The following CTNNA3 variants were observed in gnomAD, a reference collection of about 807,000 sequenced individuals.
CTNNA3 encodes the protein catenin alpha-3.
CTNNA3 carries 76 observed loss-of-function variants against 95.7 expected under a neutral mutation model. That is an observed-to-expected ratio of 0.79 (90% CI 0.66 to 0.96). The LOEUF (loss-of-function observed/expected upper bound fraction) is 0.96, where lower values mean the gene tolerates loss of function less well. Among genes scored for constraint, CTNNA3 ranks in the 40% least tolerant of loss-of-function variants. The pLI, the probability that CTNNA3 is intolerant of heterozygous loss-of-function variation, is 0.00. For synonymous variants in CTNNA3, 431 were observed against 374.4 expected, an observed-to-expected ratio of 1.15 and a Z score of -1.74; for missense variants, 1,191 against 1,089.8, an observed-to-expected ratio of 1.09 and a Z score of -1.31.
At chr10:65,946,306 A>G (rs2077515566) in intron 17 of CTNNA3, among the ~76,000 whole-genome samples, 1 of 152,192 alleles carries the variant, frequency 6.6e-6, no homozygotes, top group Non-Finnish European at 1.5e-5. Flanking sequence ...TGTAAACCAA[A>G]CTGACATGCA....
intron 1 of CTNNA3, among the ~76,000 whole-genome samples, chr10:67,720,129 C>CTTGTTTTTTTTTTT: frequency 1.5e-4 from 1 of 6,614 alleles, no homozygotes; most frequent in Non-Finnish European, 3.6e-4. Context: ...GCAACCCCTG[C>CTTGTTTTTTTTTTT]TTTTTTTTTT....
At chr10:66,269,281 G>A (rs1035990213) in intron 13 of CTNNA3, among the ~76,000 whole-genome samples, 1 of 152,152 alleles carries the variant, frequency 6.6e-6, no homozygotes, top group Non-Finnish European at 1.5e-5. Context: ...CCTAAAATAA[G>A]TTTGTACTCT....
At chr10:66,457,660 A>G (rs1317512213) in intron 11 of CTNNA3, among the ~76,000 whole-genome samples, 10 of 126,386 alleles carry the variant, frequency 7.9e-5, no homozygotes, top group Non-Finnish European at 1.6e-4. Context: ...AGTTTATGTT[A>G]TATTTAGACA....
intron 13 of CTNNA3, among the ~76,000 whole-genome samples, chr10:66,232,787 T>A (rs2089649761): frequency 6.6e-6 from 1 of 152,214 alleles, no homozygotes; most frequent in Non-Finnish European, 1.5e-5. Context: ...ATTGATTTGA[T>A]AATTGTTACT....
intron 7 of CTNNA3, among the ~76,000 whole-genome samples, chr10:66,861,173 C>A (rs566872899): frequency 6.6e-6 from 1 of 151,990 alleles, no homozygotes; most frequent in Non-Finnish European, 1.5e-5. Context: ...CAGTCACTGC[C>A]CTAAAAGAAC....
intron 12 of CTNNA3, among the ~76,000 whole-genome samples, chr10:66,305,985 T>C (rs1007911793): frequency 6.6e-6 from 1 of 152,206 alleles, no homozygotes; most frequent in African/African-American, 2.4e-5. Context: ...TTTCCTATCC[T>C]GACCCAACTA....
chr10:66,618,739 A>G (rs1844625985), intron 10 of CTNNA3, among the ~76,000 whole-genome samples: 1 of 152,168 alleles, frequency 6.6e-6, no homozygotes, highest in Non-Finnish European at 1.5e-5. Context: ...GAGCTTCTGC[A>G]CAGCAAAAGA....
intron 1 of CTNNA3, among the ~76,000 whole-genome samples, chr10:67,726,856 C>A (rs1241596871): frequency 9.0e-6 from 1 of 110,658 alleles, no homozygotes. Flanking sequence ...TATAATTATA[C>A]ATTATATATA....
At chr10:66,989,793 C>T (rs1220283722) in intron 7 of CTNNA3, among the ~76,000 whole-genome samples, 1 of 152,112 alleles carries the variant, frequency 6.6e-6, no homozygotes, top group Non-Finnish European at 1.5e-5. Flanking sequence ...GGCTGCTGGT[C>T]TGAGCTCATC....
intron 12 of CTNNA3, among the ~76,000 whole-genome samples, chr10:66,296,967 C>T (rs903304716): frequency 6.6e-5 from 10 of 152,196 alleles, no homozygotes; most frequent in East Asian, 3.9e-4. Context: ...AAAATAGTAA[C>T]GACTGTTTTT....
intron 6 of CTNNA3, among the ~76,000 whole-genome samples, chr10:67,195,455 C>A (rs1863312396): frequency 6.9e-6 from 1 of 145,296 alleles, no homozygotes; most frequent in Non-Finnish European, 1.5e-5. Flanking sequence ...AAAATCTACA[C>A]CTACCATACA....
chr10:67,606,894 A>T lies in CTNNA3; in HGVS notation c.255T>A (p.Asp85Glu). 1 of 1,613,894 alleles carries T rather than the reference A, an allele frequency of 6.2e-7. No homozygotes were observed. The highest frequency in any genetic ancestry group is 8.5e-7 in the Non-Finnish European group (1 of 1,179,800). The change falls in exon 3 of 18, where the codon GAT becomes GAA. Residue 85 changes from aspartate to glutamate, a missense_variant. Coordinates refer to ENST00000433211, the MANE Select transcript of CTNNA3 (RefSeq NM_013266.4). ...CTTCCTCAAGTGAAGCCGTAAGCTC[A>T]TCCTTTAAAACTGTAGCTTCCTGGG... ...KIAQEATVLK[D>E]ELTASLEEVR...
At chr10:67,134,585 A>C (rs2132027403) in intron 7 of CTNNA3, among the ~76,000 whole-genome samples, 1 of 152,228 alleles carries the variant, frequency 6.6e-6, no homozygotes, top group South Asian at 2.1e-4. Flanking sequence ...AACTTTGAGC[A>C]CCCATCAAGA....
chr10:66,439,887 A>C (rs2093363957), intron 11 of CTNNA3, among the ~76,000 whole-genome samples: 1 of 152,196 alleles, frequency 6.6e-6, no homozygotes, highest in African/African-American at 2.4e-5. Context: ...AATACCTCAA[A>C]GAAAATCTGT....
rs143380373 is a variant in CTNNA3 at position 66,079,573 on chromosome 10, T to C, written c.1978-10084A>G. Among the ~76,000 whole-genome samples the C allele has an allele frequency of 9.8e-4, 149 of 152,118 alleles. 1 individual carries two copies. Among genetic ancestry groups the C allele is most frequent in the African/African-American group, 2.3e-3 (95 of 41,562 alleles). On this transcript the variant is annotated intron_variant, in intron 14 of 17. Coordinates refer to ENST00000433211, the MANE Select transcript of CTNNA3 (RefSeq NM_013266.4). ...ACCAGATTTCCCTCCAAATTGTTTA[T>C]GGAAATTTGAAAATTTCATTCTATC... is the stretch of plus-strand genomic sequence containing the variant.
At chr10:66,443,744 A>G (rs12267981) in intron 11 of CTNNA3, among the ~76,000 whole-genome samples, 57,723 of 151,502 alleles carry the variant, frequency 0.38, 11,581 homozygotes, top group African/African-American at 0.5. Context: ...CAGAAAAACC[A>G]GAAACTCTAA....
intron 6 of CTNNA3, among the ~76,000 whole-genome samples, chr10:67,190,679 AT>A (rs1307539843): frequency 6.6e-6 from 1 of 152,032 alleles, no homozygotes; most frequent in Non-Finnish European, 1.5e-5. Context: ...ATATAATATT[AT>A]TTTTAAATTA....
rs140693565 is a variant in CTNNA3, at chr10:67,137,689, C to T, written c.1047+42628G>A. Among the ~76,000 whole-genome samples the T allele has an allele frequency of 1.7e-3, 256 of 152,256 alleles. 1 individual carries two copies. The highest frequency in any genetic ancestry group is 5.3e-3 in the African/African-American group (219 of 41,558). ...ATAGCCACTGAATAGCATGAACTAACAGCGGTCCTGAAATTGTGTAGGCTT... is the reference window on the plus strand; with the variant it reads ...ATAGCCACTGAATAGCATGAACTAATAGCGGTCCTGAAATTGTGTAGGCTT... On this transcript the variant is annotated intron_variant, in intron 7 of 17. Coordinates refer to ENST00000433211, the MANE Select transcript of CTNNA3 (RefSeq NM_013266.4).
chr10:65,932,098 G>A (rs975548316), intron 17 of CTNNA3, among the ~76,000 whole-genome samples: 4 of 152,142 alleles, frequency 2.6e-5, no homozygotes, highest in African/African-American at 9.7e-5. Flanking sequence ...GAGCTGAGGG[G>A]TTAAGAATAG....
Sources: allele counts gnomAD v4.1 joint callset (sites outside exome capture counted in the v4.1 genomes callset), GRCh38; gene constraint gnomAD v4.1.1; transcripts MANE v1.5; gene names NCBI Gene and HGNC (gene_info 2026-07-23, HGNC 2026-07-21).